ADAR: variants seen among roughly 807,000 people sequenced by gnomAD.
ADAR encodes double-stranded RNA-specific adenosine deaminase.
In ADAR, 41 loss-of-function variants were observed where a neutral mutation model predicts 113.2. That is an observed-to-expected ratio of 0.36 (90% confidence interval 0.28 to 0.47). ADAR has a LOEUF of 0.47. Ranked by LOEUF, ADAR falls within the 20% of genes least tolerant of loss-of-function variation. The pLI, the probability that ADAR is intolerant of heterozygous loss-of-function variation, is 1.00. For synonymous variants in ADAR, 605 were observed against 572.6 expected (o/e 1.06, Z -0.81); for missense variants, 1,242 against 1,540.9 (o/e 0.81, Z 3.25).
Position 154,617,357 on chromosome 1 carries a change from G to T in ADAR, c.-871+10498C>A, listed in dbSNP as rs190981678. On this transcript the variant is annotated intron_variant, in intron 1 of 14. Coordinates refer to the ADAR transcript ENST00000368471. ...CTTAGCATATCAATCTTTGATGCCAGAGTCTAGATTCTTACTTTAACAAAG... is the reference window on the plus strand; with the variant it reads ...CTTAGCATATCAATCTTTGATGCCATAGTCTAGATTCTTACTTTAACAAAG... 2.1e-3 allele frequency among the ~76,000 whole-genome samples: 316 copies of T among 152,324 alleles called. 1 individual carries two copies. Among genetic ancestry groups the T allele is most frequent in the African/African-American group, 7.2e-3 (301 of 41,568 alleles).
At chr1:154,595,222 C>T (rs900126014) in intron 6 of ADAR, among the ~76,000 whole-genome samples, 7 of 152,210 alleles carry the variant, frequency 4.6e-5, no homozygotes, top group South Asian at 2.1e-4. Flanking sequence ...CTAGGCTACA[C>T]GCTCCTTATG....
chr1:154,590,129 G>C (rs1697033698), intron 7 of ADAR, 55 bp downstream of exon 7: 2 of 1,432,390 alleles, frequency 1.4e-6, no homozygotes, highest in Non-Finnish European at 9.8e-7. Flanking sequence ...CCTCCACTTA[G>C]GAGTTAGGAG....
At chr1:154,613,254 T>C (rs1423485824) in intron 1 of ADAR, among the ~76,000 whole-genome samples, 1 of 151,342 alleles carries the variant, frequency 6.6e-6, no homozygotes, top group Admixed American at 6.6e-5. Context: ...TGACATATAT[T>C]CTATTGATGT....
At chr1:154,597,718 G>C (rs1697594374) in intron 4 of ADAR, 110 bp downstream of exon 4, 1 of 1,448,932 alleles carries the variant, frequency 6.9e-7, no homozygotes, top group Non-Finnish European at 9.6e-7. Flanking sequence ...TCCCCATTTT[G>C]AAACAGGAGA....
At chr1:154,618,643 C>T (rs1698699590) in intron 1 of ADAR, among the ~76,000 whole-genome samples, 2 of 151,852 alleles carry the variant, frequency 1.3e-5, no homozygotes, top group Non-Finnish European at 2.9e-5. Context: ...AAATCCAATG[C>T]ATGATGAGGA....
chr1:154,586,962 CA>C (rs202198619), intron 11 of ADAR, among the ~76,000 whole-genome samples: 3 of 149,682 alleles, frequency 2.0e-5, no homozygotes, highest in Non-Finnish European at 4.5e-5. Flanking sequence ...TAAAAAAAAA[CA>C]AAAAAAAATG....
rs1697883268 is a variant in ADAR at position 154,601,619 on chromosome 1, C to T, written c.1023G>A (p.Gly341=). The change falls in exon 2 of 15, where the codon GGG becomes GGA. Residue 341 remains glycine, a synonymous_variant. Coordinates refer to ENST00000368474, the MANE Select transcript of ADAR (RefSeq NM_001111.5). This position sits in a 1 kb window ranked among gnomAD's most constrained non-coding sequence, Gnocchi z 4.7. ...NAVLIDMERQ[G]DVYRQGTTPP... ...GGGTTGTCCCTTGTCTATAGACATC[C>T]CCCTGCCTTTCCATGTCAATTAGCA... The T allele has an allele frequency of 1.9e-6, 3 of 1,613,224 alleles. No homozygotes were observed. Among genetic ancestry groups the T allele is most frequent in the South Asian group, 2.2e-5 (2 of 91,088 alleles).
chr1:154,595,653 TA>T (rs1697443536), intron 6 of ADAR, among the ~76,000 whole-genome samples: 5 of 151,960 alleles, frequency 3.3e-5, no homozygotes, highest in Admixed American at 3.3e-4. Flanking sequence ...GTTAATAAAG[TA>T]AAAAATAAAG....
intron 8 of ADAR, 31 bp from the exon 9 acceptor site, chr1:154,589,493 A>G (rs1557869907): frequency 6.4e-7 from 1 of 1,567,942 alleles, no homozygotes; most frequent in Admixed American, 1.7e-5. Flanking sequence ...GAAATAGAAT[A>G]ATGGAAGGAA....
intron 1 of ADAR, among the ~76,000 whole-genome samples, chr1:154,616,570 G>T: frequency 6.6e-6 from 1 of 151,686 alleles, no homozygotes; most frequent in Middle Eastern, 3.4e-3. Flanking sequence ...CCCTCCCATC[G>T]CATGATTTCA....
Position 154,582,896 on chromosome 1 carries a change from G to A in ADAR, c.*1910C>T. 1 of 152,234 alleles carries A rather than the reference G, an allele frequency of 6.6e-6. No homozygotes were observed. The highest frequency in any genetic ancestry group is 3.2e-3 in the Middle Eastern group (1 of 316). The allele number at this position is 152,234 out of a possible 1,614,324, so 9.4% of individuals were successfully genotyped here. ...AGGCCTCTTCCACTCCAGGAGACAG[G>A]CGCCACTTCCCTACCAGTTCCTTGG... is the stretch of plus-strand genomic sequence containing the variant. On this transcript the variant is annotated 3_prime_UTR_variant, in exon 15 of 15. Transcript: ENST00000368474.
At chr1:154,618,771 T>C (rs755387306) in intron 1 of ADAR, among the ~76,000 whole-genome samples, 14 of 150,534 alleles carry the variant, frequency 9.3e-5, no homozygotes, top group Admixed American at 6.6e-5. Flanking sequence ...CCAAAACAAA[T>C]TGCAAATGTA....
intron 1 of ADAR, among the ~76,000 whole-genome samples, chr1:154,625,087 T>C (rs1483716779): frequency 6.6e-6 from 1 of 152,224 alleles, no homozygotes; most frequent in African/African-American, 2.4e-5. Flanking sequence ...CCCAGCACAG[T>C]GTACCCATGA....
At chr1:154,593,166 A>C (rs946833059) in intron 6 of ADAR, among the ~76,000 whole-genome samples, 7 of 151,204 alleles carry the variant, frequency 4.6e-5, no homozygotes, top group Admixed American at 1.3e-4. Context: ...ACAGAAAAGA[A>C]GTCATAAAAT....
chr1:154,598,399 T>G lies in ADAR; in HGVS notation c.1785+3A>C. ...TCCTCCCAGATGGCAGGAGGACACC[T>G]ACCTTCTCTGATTCTTTCTCTGTGG... On this transcript the variant is annotated splice_donor_region_variant and intron_variant, in intron 3 of 14. Transcript: ENST00000368474. 6.2e-7 allele frequency: 1 copy of G among 1,614,140 alleles called. No homozygotes were observed. The highest frequency in any genetic ancestry group is 2.2e-5 in the East Asian group (1 of 44,884).
At chr1:154,589,514 A>G in intron 8 of ADAR, 52 bp from the exon 9 acceptor site, 1 of 1,501,708 alleles carries the variant, frequency 6.7e-7, no homozygotes. Flanking sequence ...ACCGATGGAA[A>G]ACAGGATGAA....
At chr1:154,597,044 G>A (rs1430406437) in intron 5 of ADAR, 49 bp from the exon 6 acceptor site, 1 of 1,614,064 alleles carries the variant, frequency 6.2e-7, no homozygotes, top group Non-Finnish European at 8.5e-7. Flanking sequence ...TTCAGGAAAT[G>A]TTGAGGGAGT....
chr1:154,602,683 TG>T, intron 1 of ADAR, 57 bp from the exon 2 acceptor site: 2 of 1,596,784 alleles, frequency 1.3e-6, no homozygotes, highest in Middle Eastern at 2.2e-4. Context: ...GGTGAACCTG[TG>T]GAGGCCCCTC....
Position 154,602,368 on chromosome 1 carries a change from C to A in ADAR, c.274G>T (p.Gly92Cys), listed in dbSNP as rs1381924928. 1.2e-6 allele frequency: 2 copies of A among 1,604,064 alleles called. No individual in the cohort carries two copies. The highest frequency in any genetic ancestry group is 1.7e-6 in the Non-Finnish European group (2 of 1,174,328). ...STRGRQVDIR[G>C]VPRGVHLRSQ... is the part of the protein sequence containing the mutation. ...CTGAGATGCACGCCCCTGGGGACACCCCTGATGTCCACTTGCCTGCCTCTG... is the reference window on the plus strand; with the variant it reads ...CTGAGATGCACGCCCCTGGGGACACACCTGATGTCCACTTGCCTGCCTCTG... The change falls in exon 2 of 15, where the codon GGT becomes TGT. Residue 92 changes from glycine to cysteine, a missense_variant. Coordinates refer to ENST00000368474, the MANE Select transcript of ADAR (RefSeq NM_001111.5).
Sources: allele counts gnomAD v4.1 joint callset (sites outside exome capture counted in the v4.1 genomes callset), GRCh38; gene constraint gnomAD v4.1.1; non-coding constraint Gnocchi (gnomAD v3.1); transcripts MANE v1.5; gene names NCBI Gene and HGNC (gene_info 2026-07-23, HGNC 2026-07-21).